The following MYO18B variants were observed in gnomAD, a reference collection of about 807,000 sequenced individuals.
MYO18B encodes myosin XVIIIB, also known as unconventional myosin-XVIIIb.
A neutral mutation model predicts 273.0 loss-of-function variants in MYO18B; 204 were observed. The ratio of observed to expected loss-of-function variants is 0.75; its 90% CI spans 0.67 to 0.84. MYO18B has a LOEUF of 0.84. MYO18B is among the 40% of genes least tolerant of loss of function. The pLI is 0.00. For missense variants in MYO18B, 3,212 were observed against 3,287.6 expected, an observed-to-expected ratio of 0.98 and a Z score of 0.56; for synonymous variants, 1,330 against 1,305.7, an observed-to-expected ratio of 1.02 and a Z score of -0.40.
In MYO18B at chr22:25,770,881, T is replaced by C. The variant is rs1467422639; in HGVS notation, c.1589T>C (p.Leu530Pro). 16 of 1,551,880 alleles carry C rather than the reference T, an allele frequency of 1.0e-5. No homozygotes were observed. Among genetic ancestry groups the C allele is most frequent in the Middle Eastern group, 1.7e-4 (1 of 5,994 alleles). ...QKDGFTLATV[L>P]KPDEGTADLP... The stretch of plus-strand genomic sequence containing the variant: ...TGGGATGTCCAACCAGCTACGGTGC[T>C]AAAGCCAGATGAGGGAACAGCAGAC... The change falls in exon 6 of 44, where the codon CTA (leucine) becomes CCA (proline). Residue 530 changes from leucine to proline, a missense_variant. By Grantham distance (98) the Leu-to-Pro change is moderately conservative. Transcript: ENST00000335473.
chr22:25,997,958 A>G (rs3070630), intron 40 of MYO18B, among the ~76,000 whole-genome samples: 9 of 105,696 alleles, frequency 8.5e-5, no homozygotes, highest in Admixed American at 7.9e-4. Context: ...CACACACACA[A>G]ACACACACAC....
intron 33 of MYO18B, among the ~76,000 whole-genome samples, chr22:25,915,020 TG>T (rs1342396666): frequency 6.6e-6 from 1 of 151,848 alleles, no homozygotes; most frequent in Admixed American, 6.6e-5. Flanking sequence ...GACCATGGAT[TG>T]GGGCAACAAA....
chr22:25,781,082 A>T (rs114784745), intron 9 of MYO18B, among the ~76,000 whole-genome samples: 10 of 152,310 alleles, frequency 6.6e-5, no homozygotes, highest in African/African-American at 2.4e-4. Context: ...CTGGCCCTGA[A>T]ATCCTACCCT....
At chr22:25,903,903 A>G (rs773769478) in intron 31 of MYO18B, 72 bp downstream of exon 31, 1 of 1,483,618 alleles carries the variant, frequency 6.7e-7, no homozygotes, top group Non-Finnish European at 9.1e-7. Context: ...TTAAAATACA[A>G]TGTGGGTGCC....
chr22:25,778,902 G>A (rs1352183750), intron 8 of MYO18B, among the ~76,000 whole-genome samples: 2 of 151,874 alleles, frequency 1.3e-5, no homozygotes, highest in African/African-American at 2.4e-5. Flanking sequence ...CTTGCCTGAT[G>A]TCACACAGCA....
intron 12 of MYO18B, among the ~76,000 whole-genome samples, chr22:25,810,503 G>A (rs1242862193): frequency 1.4e-5 from 2 of 145,876 alleles, no homozygotes; most frequent in Admixed American, 7.1e-5. Context: ...ACGTGATCTC[G>A]GCTCACTGCG....
At position 25,943,004 on chromosome 22, in the gene MYO18B, C is replaced by G. The variant is rs572960997; in HGVS notation, c.5518-3133C>G. ...TAGAGTCTCCTTTCTCCAGGGGCTC[C>G]GAGGACTGGCGGGATCATGCTGCTG... On this transcript the variant is annotated intron_variant, in intron 34 of 43. Coordinates refer to ENST00000335473, the MANE Select transcript of MYO18B (RefSeq NM_032608.7). Among the ~76,000 whole-genome samples, 203 of 152,178 alleles carry G rather than the reference C, an allele frequency of 1.3e-3. 1 individual carries two copies. Among genetic ancestry groups the G allele is most frequent in the South Asian group, 7.7e-3 (37 of 4,818 alleles).
At chr22:25,966,116 TCA>T (rs2092975128) in intron 39 of MYO18B, among the ~76,000 whole-genome samples, 1 of 152,168 alleles carries the variant, frequency 6.6e-6, no homozygotes. Context: ...GATCTGCCTG[TCA>T]CATAACTGTC....
intron 11 of MYO18B, among the ~76,000 whole-genome samples, chr22:25,795,541 T>C (rs1465275112): frequency 2.0e-5 from 3 of 152,208 alleles, no homozygotes; most frequent in Non-Finnish European, 2.9e-5. Context: ...GGAGCCATAA[T>C]AAATGTGTGG....
Position 25,797,680 on chromosome 22 carries a change from G to A in MYO18B, c.2377-273G>A, listed in dbSNP as rs549639833. Among the ~76,000 whole-genome samples the A allele has an allele frequency of 2.6e-5, 4 of 152,254 alleles. No individual in the cohort carries two copies. In the South Asian group the frequency reaches 6.2e-4, roughly 24 times the overall value. On this transcript the variant is annotated intron_variant, in intron 11 of 43. Transcript: ENST00000335473. ...CTTTGCATCCCCAGACCAGAGCCCC[G>A]CATAGAGCAGAGCTTCCATAAATCT...
At chr22:25,988,383 A>G (rs1458434306) in intron 39 of MYO18B, among the ~76,000 whole-genome samples, 1 of 152,046 alleles carries the variant, frequency 6.6e-6, no homozygotes, top group Non-Finnish European at 1.5e-5. Context: ...ACTGAGTCTG[A>G]TGCTTCCCTA....
At chr22:25,861,710 A>C (rs3091379) in intron 21 of MYO18B, among the ~76,000 whole-genome samples, 107,816 of 152,010 alleles carry the variant, frequency 0.71, 38,539 homozygotes, top group East Asian at 0.86. Flanking sequence ...TTTTAGTCCT[A>C]TCCTCCTTCA....
chr22:25,945,238 C>T lies in MYO18B; in HGVS notation c.5518-899C>T, dbSNP rs2092690744. Among the ~76,000 whole-genome samples the T allele has an allele frequency of 2.0e-5, 3 of 152,186 alleles. 1 individual carries two copies. The South Asian group carries it at 6.2e-4, about 32-fold the overall frequency. ...CCCTGGTTAAGAAACTTCCACTTGG[C>T]TGGTTCCCATGGGCCGTCAAACCAC... On this transcript the variant is annotated intron_variant, in intron 34 of 43. Transcript: ENST00000335473.
chr22:26,017,126 T>TCTG, intron 42 of MYO18B, among the ~76,000 whole-genome samples: 1 of 148,002 alleles, frequency 6.8e-6, no homozygotes, highest in African/African-American at 2.5e-5. Context: ...CCTTCCTTCT[T>TCTG]TCCTCCCTTC....
intron 21 of MYO18B, among the ~76,000 whole-genome samples, chr22:25,854,978 T>A (rs555312459): frequency 6.6e-6 from 1 of 152,302 alleles, no homozygotes; most frequent in Admixed American, 6.5e-5. Flanking sequence ...GGGGTACACA[T>A]GCAGGTTTGT....
In MYO18B at chr22:25,768,499, AC is replaced by A; in HGVS notation, c.585del (p.Ser196LeufsTer36). The A allele has an allele frequency of 1.3e-6, 2 of 1,593,424 alleles. No individual in the cohort carries two copies. The highest frequency in any genetic ancestry group is 8.5e-7 in the Non-Finnish European group (1 of 1,170,378). On this transcript the variant is annotated frameshift_variant, in exon 4 of 44. Coordinates refer to ENST00000335473, the MANE Select transcript of MYO18B (RefSeq NM_032608.7). LOFTEE classifies it high-confidence loss of function. ...TACTGGAAAGGAAAAGAAAGGGGAG[AC>A]CTCTAGGACTCCTTGTGGCTCCCAG... The part of the protein sequence containing the change: ...TDTGKEKKGE[T>X]SRTPCGSQAS...
chr22:25,851,576 G>A lies in MYO18B; in HGVS notation c.3882G>A (p.Arg1294=). The change falls in exon 21 of 44, where the codon AGG becomes AGA. Residue 1294 remains arginine, a synonymous_variant. Transcript: ENST00000335473. ...CGACCTCCGAGGGAATAGATGAAAGGAAGGTAGGTGGAGCACATGCGAGAG... is the reference window on the plus strand; with the variant it reads ...CGACCTCCGAGGGAATAGATGAAAGAAAGGTAGGTGGAGCACATGCGAGAG... ...LMSTSEGIDE[R]KAVEELLETL... is the part of the protein sequence containing the mutation. 1 of 1,551,934 alleles carries A rather than the reference G, an allele frequency of 6.4e-7. No individual in the cohort carries two copies. Among genetic ancestry groups the A allele is most frequent in the Non-Finnish European group, 8.7e-7 (1 of 1,146,008 alleles).
At chr22:25,868,894 A>G (rs1312452373) in intron 22 of MYO18B, among the ~76,000 whole-genome samples, 1 of 152,238 alleles carries the variant, frequency 6.6e-6, no homozygotes, top group East Asian at 1.9e-4. Context: ...AGCTCTTCCA[A>G]ATATGCTCAG....
chr22:25,800,090 C>A (rs2038328), intron 12 of MYO18B, among the ~76,000 whole-genome samples: 140,016 of 152,188 alleles, frequency 0.92, 65,147 homozygotes, highest in Non-Finnish European at 0.99. Context: ...GAGAATGGAA[C>A]ACCAAATATC....
Sources: gnomAD v4.1 joint callset for allele counts (sites outside exome capture counted in the v4.1 genomes callset) on GRCh38, gnomAD v4.1.1 for gene constraint, MANE v1.5 for transcripts, NCBI Gene and HGNC (gene_info 2026-07-23, HGNC 2026-07-21) for gene names.